The following ZSCAN29 variants were observed in gnomAD, a reference collection of about 807,000 sequenced individuals.
ZSCAN29 encodes the protein zinc finger and SCAN domain-containing protein 29.
In ZSCAN29, 55 loss-of-function variants were observed where a neutral mutation model predicts 71.9. That is an observed-to-expected ratio of 0.76 (90% CI 0.62 to 0.96). ZSCAN29 has a LOEUF of 0.96. Among genes scored for constraint, ZSCAN29 ranks in the 40% least tolerant of loss-of-function variants. The pLI is 0.00. For synonymous variants in ZSCAN29, 351 were observed against 371.6 expected (o/e 0.94, Z 0.64); for missense variants, 1,042 against 1,042.2 (o/e 1.00, Z 0.00).
At chr15:43,362,950 A>G (rs1338512973) in intron 5 of ZSCAN29, among the ~76,000 whole-genome samples, 2 of 151,914 alleles carry the variant, frequency 1.3e-5, no homozygotes, top group Admixed American at 6.6e-5. Context: ...CATCAACCCT[A>G]TGAGGTAGGT....
intron 3 of ZSCAN29, among the ~76,000 whole-genome samples, chr15:43,368,033 G>A (rs1019849926): frequency 6.6e-6 from 1 of 152,186 alleles, no homozygotes; most frequent in Non-Finnish European, 1.5e-5. Flanking sequence ...CAGAGTCCTG[G>A]AAGTTACCAG....
At chr15:43,362,139 T>C (rs541557698) in intron 5 of ZSCAN29, among the ~76,000 whole-genome samples, 198 bp from the exon 6 acceptor site, 1 of 152,372 alleles carries the variant, frequency 6.6e-6, no homozygotes, top group Non-Finnish European at 1.5e-5. Context: ...GCTTCTCATC[T>C]ACATAGGGTC....
chr15:43,361,374 T>C lies in ZSCAN29; in HGVS notation c.2258A>G (p.Gln753Arg), dbSNP rs779231401. ...GGGCTTTTCTCCTGTGTGGGTTCTC[T>C]GGTGAATGATAAGGCTTGAGCTCTG... ...FNQSSSLIIH[Q>R]RTHTGEKPYQ... is the part of the protein sequence containing the mutation. Residue 753 changes from glutamine to arginine, a missense_variant, in exon 6 of 6, where the codon CAG (glutamine) becomes CGG (arginine). Coordinates refer to ENST00000684362, the MANE Select transcript of ZSCAN29 (RefSeq NM_001372080.1). 1 of 1,614,148 alleles carries C rather than the reference T, an allele frequency of 6.2e-7. No individual in the cohort carries two copies. Among genetic ancestry groups the C allele is most frequent in the Non-Finnish European group, 8.5e-7 (1 of 1,180,028 alleles).
chr15:43,361,070 G>A lies in ZSCAN29; in HGVS notation c.*3C>T. 6.3e-7 allele frequency: 1 copy of A among 1,587,216 alleles called. No homozygotes were observed. Among genetic ancestry groups the A allele is most frequent in the South Asian group, 1.1e-5 (1 of 88,616 alleles). On this transcript the variant is annotated 3_prime_UTR_variant, in exon 6 of 6. Transcript: ENST00000684362. Reference sequence around the variant, plus strand: ...CCTCTTTCCGTTATATATCCTCAGGGGCTTACTTGGGAGCTGACTGTGTCA... The same window carrying A: ...CCTCTTTCCGTTATATATCCTCAGGAGCTTACTTGGGAGCTGACTGTGTCA...
At chr15:43,364,575 T>C in intron 4 of ZSCAN29, 193 bp from the exon 5 acceptor site, 1 of 685,986 alleles carries the variant, frequency 1.5e-6, no homozygotes, top group Non-Finnish European at 2.6e-6. Flanking sequence ...TTTAGCAATT[T>C]CACAGAGACC....
chr15:43,367,778 CTG>C (rs2044054281), intron 3 of ZSCAN29, among the ~76,000 whole-genome samples: 1 of 152,286 alleles, frequency 6.6e-6, no homozygotes, highest in East Asian at 1.9e-4. Flanking sequence ...CTCTGCAAGT[CTG>C]TGTGTGAGAT....
chr15:43,366,342 C>G lies in ZSCAN29; in HGVS notation c.990G>C (p.Leu330=). Residue 330 remains leucine, a synonymous_variant, in exon 4 of 6, where the codon CTG becomes CTC. Transcript: ENST00000684362. ...GCAGGGCAATGACCTGAGCACTCAT[C>G]AGGGCTTCCATCTCTTCAAAGAAGG... ...TCPFFEEMEA[L]MSAQVIALPS... 6.2e-7 allele frequency: 1 copy of G among 1,613,654 alleles called. No individual in the cohort carries two copies. The highest frequency in any genetic ancestry group is 8.5e-7 in the Non-Finnish European group (1 of 1,180,040).
rs1331069563 is a variant in ZSCAN29 at position 43,369,743 on chromosome 15, A to C, written c.171T>G (p.Ile57Met). The change falls in exon 2 of 6, where the codon ATT becomes ATG. Residue 57 changes from isoleucine (I) to methionine (M), a missense_variant. Coordinates refer to ENST00000684362, the MANE Select transcript of ZSCAN29 (RefSeq NM_001372080.1). ...ACTGCTCTAGCACCAACAGTTCTAC[A>C]ATCTGCTCCTTGGTGCGCACCTCCG... is the stretch of plus-strand genomic sequence containing the variant. ...LRPEVRTKEQ[I>M]VELLVLEQFL... The C allele has an allele frequency of 1.2e-6, 2 of 1,614,238 alleles. No homozygotes were observed.
Position 43,358,592 on chromosome 15 carries a change from C to T in ZSCAN29, c.*2481G>A, listed in dbSNP as rs2043954291. ...ATGAATTATAGAATACTATATCTTCCTACTGCTCTCCCTGATCTTATTCCA... is the reference window on the plus strand; with the variant it reads ...ATGAATTATAGAATACTATATCTTCTTACTGCTCTCCCTGATCTTATTCCA... On this transcript the variant is annotated 3_prime_UTR_variant, in exon 6 of 6. Transcript: ENST00000684362. 6.6e-6 allele frequency: 1 copy of T among 152,198 alleles called. No individual in the cohort carries two copies. Among genetic ancestry groups the T allele is most frequent in the Non-Finnish European group, 1.5e-5 (1 of 68,034 alleles). The allele number at this position is 152,198 out of a possible 1,614,324, so 9.4% of individuals were successfully genotyped here.
intron 4 of ZSCAN29, among the ~76,000 whole-genome samples, chr15:43,365,236 G>A (rs1411288913): frequency 1.3e-5 from 2 of 152,228 alleles, no homozygotes; most frequent in South Asian, 2.1e-4. Flanking sequence ...GCTCAAGGTC[G>A]CCCAGTTTAT....
intron 5 of ZSCAN29, chr15:43,363,679 A>T: frequency 2.3e-6 from 1 of 440,726 alleles, no homozygotes; most frequent in African/African-American, 1.9e-5. Flanking sequence ...TGAATAAATC[A>T]CAGCAAATTT....
rs2044038285 is a variant in ZSCAN29, at chr15:43,366,409, C to T, written c.923G>A (p.Ser308Asn). The stretch of plus-strand genomic sequence containing the variant: ...GTGGCCGCTCTTGACTTTCCGATAG[C>T]TCTTCTGGAGACCTTTGAACTTGGT... ...CRTKFKGLQK[S>N]YRKVKSGHPP... Residue 308 changes from serine to asparagine, a missense_variant, in exon 4 of 6, where the codon AGC becomes AAC. By Grantham distance (46) the Ser-to-Asn change is conservative. Transcript: ENST00000684362. The T allele has an allele frequency of 1.9e-6, 3 of 1,614,196 alleles. No homozygotes were observed. The Admixed American group carries it at 5.0e-5, about 27-fold the overall frequency.
Position 43,361,124 on chromosome 15 carries a change from G to A in ZSCAN29, c.2508C>T (p.His836=), listed in dbSNP as rs35278805. 0.18 allele frequency: 293,587 copies of A among 1,611,554 alleles called. 28,628 individuals carry two copies. The highest frequency in any genetic ancestry group is 0.26 in the Middle Eastern group (1,556 of 6,046). ...CFSKSSALNK[H]GEIHAREKLL... ...GCTTTTCCCGTGCATGGATTTCTCC[G>A]TGCTTATTAAGGGCAGAGCTTTTAC... The change falls in exon 6 of 6, where the codon CAC becomes CAT. Residue 836 remains histidine (H), a synonymous_variant. Coordinates refer to ENST00000684362, the MANE Select transcript of ZSCAN29 (RefSeq NM_001372080.1).
At chr15:43,362,764 G>A (rs2043994562) in intron 5 of ZSCAN29, among the ~76,000 whole-genome samples, 1 of 152,216 alleles carries the variant, frequency 6.6e-6, no homozygotes, top group South Asian at 2.1e-4. Context: ...TCCAACAGGG[G>A]TATTTACCAT....
In ZSCAN29 at chr15:43,369,897, G is replaced by T; in HGVS notation, c.17C>A (p.Ala6Asp). The change falls in exon 2 of 6, where the codon GCT becomes GAT. Residue 6 changes from alanine to aspartate, a missense_variant. Transcript: ENST00000684362. MMAKSALRENGTNSET... is the reference protein window; with the variant it reads MMAKSDLRENGTNSET... ...AGAGTTAGTGCCATTCTCTCTTAGA[G>T]CTGATTTGGCCATCATTAATAGCAG... The T allele has an allele frequency of 6.2e-7, 1 of 1,602,894 alleles. No homozygotes were observed.
rs771566330 is a variant in ZSCAN29, at chr15:43,366,224, C to T, written c.1108G>A (p.Glu370Lys). 2 of 1,613,550 alleles carry T rather than the reference C, an allele frequency of 1.2e-6. No individual in the cohort carries two copies. The highest frequency in any genetic ancestry group is 1.1e-5 in the South Asian group (1 of 91,076). Residue 370 changes from glutamate to lysine, a missense_variant, in exon 4 of 6, where the codon GAG (glutamate) becomes AAG (lysine). Glu to Lys is a moderately conservative substitution (Grantham distance 56). Coordinates refer to ENST00000684362, the MANE Select transcript of ZSCAN29 (RefSeq NM_001372080.1). ...GCCACAGCCTCTTCTGCTCCCTCCT[C>T]ATGCTGCCAGCCCCTCTGCCCTGGC... ...EEPGQRGWQH[E>K]EGAEEAVAQE...
chr15:43,366,394 T>C lies in ZSCAN29; in HGVS notation c.938A>G (p.Lys313Arg), dbSNP rs1415512343. Residue 313 changes from lysine (K) to arginine (R), a missense_variant, in exon 4 of 6, where the codon AAG becomes AGG. Transcript: ENST00000684362. ...GCAGGTCTCAGGTGGGTGGCCGCTC[T>C]TGACTTTCCGATAGCTCTTCTGGAG... Reference protein sequence around the residue: ...KGLQKSYRKVKSGHPPETCPF... With the variant: ...KGLQKSYRKVRSGHPPETCPF... 4 of 1,614,046 alleles carry C rather than the reference T, an allele frequency of 2.5e-6. No individual in the cohort carries two copies. Among genetic ancestry groups the C allele is most frequent in the African/African-American group, 1.3e-5 (1 of 74,938 alleles).
At chr15:43,364,727 AAC>A (rs1224239162) in intron 4 of ZSCAN29, among the ~76,000 whole-genome samples, 8 of 151,892 alleles carry the variant, frequency 5.3e-5, no homozygotes, top group African/African-American at 4.8e-5. Context: ...CTCTACTAAA[AAC>A]ACAGAAAAAT....
chr15:43,363,868 A>C (rs1020399956), intron 5 of ZSCAN29, 47 bp downstream of exon 5: 1 of 1,515,792 alleles, frequency 6.6e-7, no homozygotes, highest in African/African-American at 1.4e-5. Context: ...CCTAAGTCCC[A>C]TTGTCTTCCC....
Sources: allele counts gnomAD v4.1 joint callset (sites outside exome capture counted in the v4.1 genomes callset), GRCh38; gene constraint gnomAD v4.1.1; transcripts MANE v1.5; gene names NCBI Gene and HGNC (gene_info 2026-07-23, HGNC 2026-07-21).